Variants in LRP6 observed in about 807,000 individuals in gnomAD.
The protein encoded by LRP6 is low-density lipoprotein receptor-related protein 6.
A neutral mutation model predicts 184.1 loss-of-function variants in LRP6; 43 were observed. That is an observed-to-expected ratio of 0.23 (90% CI 0.18 to 0.30). The LOEUF is 0.30. Ranked by LOEUF, LRP6 falls within the 10% of genes least tolerant of loss-of-function variation. The probability of loss-of-function intolerance (pLI) is 1.00; values close to 1 mark genes in which losing one functional copy is unlikely to be tolerated. For synonymous variants in LRP6, 719 were observed against 684.9 expected (o/e 1.05, Z -0.78); for missense variants, 1,571 against 2,005.3 (o/e 0.78, Z 4.14).
chr12:12,155,025 G>A (rs758426807), intron 12 of LRP6, among the ~76,000 whole-genome samples: 8 of 152,040 alleles, frequency 5.3e-5, no homozygotes, highest in South Asian at 2.1e-4. Context: ...GTGAAATCCC[G>A]TCTCCACTAA....
intron 5 of LRP6, 50 bp from the exon 6 acceptor site, chr12:12,181,489 T>G (rs774562263): frequency 1.2e-6 from 1 of 869,438 alleles, no homozygotes; most frequent in Non-Finnish European, 2.0e-6. Context: ...AGAGGTAAAA[T>G]TTACCTGCTC....
At chr12:12,128,634 C>T (rs968318265) in intron 19 of LRP6, among the ~76,000 whole-genome samples, 1 of 152,142 alleles carries the variant, frequency 6.6e-6, no homozygotes, top group Non-Finnish European at 1.5e-5. Context: ...ATAAAGTCAT[C>T]TAGTATAAGA....
At chr12:12,173,640 G>A (rs1863102266) in intron 7 of LRP6, among the ~76,000 whole-genome samples, 1 of 152,090 alleles carries the variant, frequency 6.6e-6, no homozygotes, top group Non-Finnish European at 1.5e-5. Flanking sequence ...ACCACGCCCA[G>A]CTAATTTTTA....
intron 17 of LRP6, among the ~76,000 whole-genome samples, chr12:12,133,708 A>G (rs1341775553): frequency 6.6e-6 from 1 of 152,112 alleles, no homozygotes; most frequent in African/African-American, 2.4e-5. Flanking sequence ...AGGCCCTTTA[A>G]AAGATATTTT....
chr12:12,264,156 A>T lies in LRP6; in HGVS notation c.55+2525T>A, dbSNP rs1208153618. ...ACTTTGTCTCTTTAAAAAAAAAAAA[A>T]TTGTGAACGTTATACAAATTAAATC... On this transcript the variant is annotated intron_variant, in intron 1 of 22. Coordinates refer to ENST00000261349, the MANE Select transcript of LRP6 (RefSeq NM_002336.3). 2.6e-5 allele frequency among the ~76,000 whole-genome samples: 4 copies of T among 152,206 alleles called. No individual in the cohort carries two copies. In the South Asian group the frequency reaches 8.3e-4, roughly 32 times the overall value.
intron 18 of LRP6, among the ~76,000 whole-genome samples, chr12:12,131,299 G>A (rs991111535): frequency 1.3e-5 from 2 of 151,554 alleles, no homozygotes; most frequent in Non-Finnish European, 2.9e-5. Flanking sequence ...TAGTAGAGAT[G>A]GGGTTTCACC....
chr12:12,264,862 A>G (rs957417277), intron 1 of LRP6, among the ~76,000 whole-genome samples: 1 of 152,218 alleles, frequency 6.6e-6, no homozygotes, highest in Non-Finnish European at 1.5e-5. Context: ...ACTTCTGAAA[A>G]CTTTGCTAGT....
chr12:12,218,474 C>CAATAATAA (rs751920762), intron 2 of LRP6, among the ~76,000 whole-genome samples: 1 of 94,026 alleles, frequency 1.1e-5, no homozygotes, highest in Non-Finnish European at 2.2e-5. Flanking sequence ...AAGACCCTCT[C>CAATAATAA]TCAATAATAA....
At chr12:12,150,711 G>C in intron 13 of LRP6, 125 bp downstream of exon 13, 2 of 991,610 alleles carry the variant, frequency 2.0e-6, no homozygotes, top group South Asian at 1.3e-5. Flanking sequence ...ACTAGGTCCA[G>C]AATTTCAGTT....
At chr12:12,138,212 C>A in intron 16 of LRP6, 113 bp downstream of exon 16, 2 of 1,007,062 alleles carry the variant, frequency 2.0e-6, no homozygotes, top group East Asian at 2.5e-5. Context: ...AATGGCAAAA[C>A]TAAAAGTGCA....
Position 12,147,346 on chromosome 12 carries a change from G to GA in LRP6, c.3397+19dup, listed in dbSNP as rs777352463. On this transcript the variant is annotated intron_variant, in intron 15 of 22. Transcript: ENST00000261349. ...TCTTAAAAACTCAAATTAAAATAAG[G>GA]AAACATATTTCTTGGGTACCTGAGA... 1 of 1,612,500 alleles carries GA rather than the reference G, an allele frequency of 6.2e-7. No homozygotes were observed. The highest frequency in any genetic ancestry group is 8.5e-7 in the Non-Finnish European group (1 of 1,178,670).
intron 22 of LRP6, among the ~76,000 whole-genome samples, chr12:12,123,251 A>T (rs2060358390): frequency 6.6e-6 from 1 of 152,228 alleles, no homozygotes; most frequent in Admixed American, 6.5e-5. Flanking sequence ...TACTTTTAAA[A>T]AATAAAATTT....
At chr12:12,166,876 G>A (rs1862891305) in intron 7 of LRP6, among the ~76,000 whole-genome samples, 1 of 152,164 alleles carries the variant, frequency 6.6e-6, no homozygotes, top group Non-Finnish European at 1.5e-5. Context: ...GGCAGGAGGA[G>A]CACTTAAGCC....
At position 12,254,143 on chromosome 12, in the gene LRP6, C is replaced by CAAAA. The variant is rs34210761; in HGVS notation, c.56-9492_56-9489dup. On this transcript the variant is annotated intron_variant, in intron 1 of 22. Transcript: ENST00000261349. Reference sequence around the variant, plus strand: ...TGGGTGACAGAGTGAGACTCTGTCTCAAAAAAAAAAAAAAAAAAAAAAGAA... The same window carrying CAAAA: ...TGGGTGACAGAGTGAGACTCTGTCTCAAAAAAAAAAAAAAAAAAAAAAAAAAGAA... Among the ~76,000 whole-genome samples the CAAAA allele has an allele frequency of 2.2e-3, 166 of 73,922 alleles. 2 individuals carry two copies. Among genetic ancestry groups the CAAAA allele is most frequent in the East Asian group, 5.4e-3 (11 of 2,034 alleles). 48.5% of individuals were successfully genotyped at this position (73,922 alleles called of 152,430 possible).
At chr12:12,259,272 A>T (rs983711841) in intron 1 of LRP6, among the ~76,000 whole-genome samples, 4 of 151,964 alleles carry the variant, frequency 2.6e-5, no homozygotes, top group Non-Finnish European at 5.9e-5. Context: ...CAAAAAAAAA[A>T]AAAAAAAAAG....
At chr12:12,157,591 T>A (rs1027315788) in intron 12 of LRP6, among the ~76,000 whole-genome samples, 3 of 152,202 alleles carry the variant, frequency 2.0e-5, no homozygotes, top group Non-Finnish European at 2.9e-5. Context: ...TTCCACTACA[T>A]GCTTGTGTCC....
chr12:12,221,266 G>A (rs1160732532), intron 2 of LRP6, among the ~76,000 whole-genome samples: 1 of 152,180 alleles, frequency 6.6e-6, no homozygotes, highest in African/African-American at 2.4e-5. Flanking sequence ...AAACAATGAA[G>A]TGTAAGAGAA....
intron 6 of LRP6, among the ~76,000 whole-genome samples, chr12:12,180,799 C>T (rs1370482150): frequency 2.6e-5 from 4 of 152,156 alleles, no homozygotes; most frequent in Admixed American, 2.6e-4. Flanking sequence ...CTGCAGACAA[C>T]ACCCAAAGTC....
intron 4 of LRP6, 132 bp from the exon 5 acceptor site, chr12:12,184,243 A>G: frequency 8.3e-6 from 6 of 722,876 alleles, no homozygotes; most frequent in Admixed American, 2.0e-5. Context: ...CTATCAAACC[A>G]TCTGCAAAGA....
Sources: gnomAD v4.1 joint callset for allele counts (sites outside exome capture counted in the v4.1 genomes callset) on GRCh38, gnomAD v4.1.1 for gene constraint, MANE v1.5 for transcripts, NCBI Gene and HGNC (gene_info 2026-07-23, HGNC 2026-07-21) for gene names.